NEDD4L: variants seen among roughly 807,000 people sequenced by gnomAD.
NEDD4L encodes NEDD4 like E3 ubiquitin protein ligase, also known as E3 ubiquitin-protein ligase NEDD4-like.
In NEDD4L, 54 loss-of-function variants were observed where a neutral mutation model predicts 148.9. The observed-to-expected ratio is 0.36, with a 90% CI of 0.29 to 0.45. The LOEUF (loss-of-function observed/expected upper bound fraction) is 0.45. Ranked by LOEUF, NEDD4L falls within the 20% of genes least tolerant of loss-of-function variation. The pLI is 1.00. For missense variants in NEDD4L, 856 were observed against 1,233.8 expected (o/e 0.69, Z 4.59); for synonymous variants, 433 against 440.7 (o/e 0.98, Z 0.22).
At chr18:58,204,569 G>T (rs1441125304) in intron 2 of NEDD4L, among the ~76,000 whole-genome samples, 1 of 152,154 alleles carries the variant, frequency 6.6e-6, no homozygotes, top group Admixed American at 6.5e-5. Context: ...GTTTTCTTGG[G>T]ATTGCTCCAA....
intron 1 of NEDD4L, among the ~76,000 whole-genome samples, chr18:58,067,939 T>C (rs182360367): frequency 6.6e-6 from 1 of 152,248 alleles, no homozygotes; most frequent in Admixed American, 6.5e-5. Context: ...GGGATTGCAC[T>C]GTTTGGGAGA....
chr18:58,251,947 C>A, intron 4 of NEDD4L, 54 bp from the exon 5 acceptor site: 2 of 949,236 alleles, frequency 2.1e-6, no homozygotes, highest in South Asian at 1.3e-5. Flanking sequence ...TTCCTTACGT[C>A]GCTGTTCAAA....
At chr18:58,157,434 TGC>T (rs2035640399) in intron 1 of NEDD4L, among the ~76,000 whole-genome samples, 3 of 152,222 alleles carry the variant, frequency 2.0e-5, no homozygotes, top group African/African-American at 7.2e-5. Flanking sequence ...CCATGCAGTT[TGC>T]TTTATGCATT....
At chr18:58,094,875 C>T (rs17755321) in intron 1 of NEDD4L, among the ~76,000 whole-genome samples, 3,971 of 148,796 alleles carry the variant, frequency 0.027, 97 homozygotes, top group Admixed American at 0.071. Flanking sequence ...GCTTGATTGC[C>T]GTGAATGCCT....
chr18:58,366,250 G>A lies in NEDD4L; in HGVS notation c.2063+22G>A. ...CCACGTAAGTATATGGCCACACCCA[G>A]TGTGTGTCCCCCACTGAGACAGTTG... On this transcript the variant is annotated intron_variant, in intron 21 of 30. Transcript: ENST00000400345. The surrounding 1 kb of genome is among the most constrained non-coding windows in gnomAD (Gnocchi z 4.2). 7.3e-6 allele frequency: 11 copies of A among 1,497,240 alleles called. No homozygotes were observed. Among genetic ancestry groups the A allele is most frequent in the Non-Finnish European group, 1.0e-5 (11 of 1,097,606 alleles). 92.7% of individuals were successfully genotyped at this position (1,497,240 alleles called of 1,614,324 possible). A position where few individuals can be genotyped will look rare whatever the true frequency, so the allele number is the denominator to read the frequency against.
Position 58,234,314 on chromosome 18 carries a change from TCCTCCCTCCTTCTCTCCCTC to T in NEDD4L, c.123-11100_123-11081del, listed in dbSNP as rs561194262. Among the ~76,000 whole-genome samples the T allele has an allele frequency of 9.3e-3, 1,053 of 112,830 alleles. 7 individuals carry two copies. Among genetic ancestry groups the T allele is most frequent in the East Asian group, 0.033 (111 of 3,368 alleles). 74.0% of individuals were successfully genotyped at this position (112,830 alleles called of 152,430 possible). A position where few individuals can be genotyped will look rare whatever the true frequency, so the allele number is the denominator to read the frequency against. On this transcript the variant is annotated intron_variant, in intron 2 of 30. Transcript: ENST00000400345. The stretch of plus-strand genomic sequence containing the variant: ...CCTTCCCCTTCCTCCCTTTCCCCCT[TCCTCCCTCCTTCTCTCCCTC>T]CCTCCCTCCTTCCCTCCCTCAGGGT...
intron 2 of NEDD4L, among the ~76,000 whole-genome samples, chr18:58,232,396 C>T (rs1002338385): frequency 6.6e-6 from 1 of 152,194 alleles, no homozygotes; most frequent in Non-Finnish European, 1.5e-5. Flanking sequence ...AAGCAAAAAT[C>T]TCCAGTGTGT....
chr18:58,345,212 C>A (rs1036556642), intron 16 of NEDD4L, among the ~76,000 whole-genome samples: 24 of 152,232 alleles, frequency 1.6e-4, no homozygotes, highest in Admixed American at 6.5e-5. Context: ...CCACAAGCTA[C>A]TCCCCTTCTT....
chr18:58,117,227 G>A (rs1365769867), intron 1 of NEDD4L, among the ~76,000 whole-genome samples: 1 of 152,196 alleles, frequency 6.6e-6, no homozygotes, highest in African/African-American at 2.4e-5. Context: ...TATTATTGAA[G>A]AAGTAGAATA....
intron 23 of NEDD4L, 96 bp from the exon 24 acceptor site, chr18:58,373,078 C>G: frequency 4.2e-6 from 3 of 716,206 alleles, no homozygotes; most frequent in Non-Finnish European, 7.6e-6. Flanking sequence ...CTTGAGCATT[C>G]TGCACAGAAT....
rs1226058247 is a variant in NEDD4L, at chr18:58,339,892, A to G, written c.1126-1146A>G. ...AAAAGGTGGCATAAGCACAGGAAGA[A>G]GTTAGGTTCAGAGGAAATTTGTATC... On this transcript the variant is annotated intron_variant, in intron 13 of 30. Coordinates refer to ENST00000400345, the MANE Select transcript of NEDD4L (RefSeq NM_001144967.3). Among the ~76,000 whole-genome samples the G allele has an allele frequency of 3.9e-5, 6 of 152,316 alleles. No individual in the cohort carries two copies. The East Asian group carries it at 1.2e-3, about 29-fold the overall frequency.
chr18:58,393,232 T>C (rs1393011265), intron 30 of NEDD4L, among the ~76,000 whole-genome samples: 1 of 152,184 alleles, frequency 6.6e-6, no homozygotes, highest in Non-Finnish European at 1.5e-5. Context: ...CTGCCACAAG[T>C]AGAACTTCCC....
At chr18:58,315,203 A>G (rs900168392) in intron 5 of NEDD4L, among the ~76,000 whole-genome samples, 2 of 152,210 alleles carry the variant, frequency 1.3e-5, no homozygotes, top group Non-Finnish European at 2.9e-5. Flanking sequence ...ATCAGAGGCC[A>G]TGCCACAAGC....
intron 13 of NEDD4L, among the ~76,000 whole-genome samples, chr18:58,336,925 A>T (rs934330936): frequency 1.3e-5 from 2 of 152,216 alleles, no homozygotes; most frequent in African/African-American, 4.8e-5. Context: ...GTTTTGTGAG[A>T]TAATTTTAGT....
At chr18:58,072,919 A>G (rs2082957380) in intron 1 of NEDD4L, among the ~76,000 whole-genome samples, 4 of 151,336 alleles carry the variant, frequency 2.6e-5, no homozygotes, top group Admixed American at 2.0e-4. Context: ...TCTTGAACTA[A>G]TAATTGAGTT....
intron 16 of NEDD4L, among the ~76,000 whole-genome samples, chr18:58,343,405 AATTG>A (rs144194319): frequency 0.025 from 3,784 of 152,286 alleles, 172 homozygotes; most frequent in African/African-American, 0.088. Context: ...AGATTTTGTT[AATTG>A]ATCCCGTCTC....
intron 1 of NEDD4L, among the ~76,000 whole-genome samples, chr18:58,162,129 C>G (rs531892778): frequency 1.3e-5 from 2 of 152,310 alleles, no homozygotes; most frequent in South Asian, 4.1e-4. Context: ...GAATCTCTCT[C>G]CAATTGTTCT....
intron 30 of NEDD4L, among the ~76,000 whole-genome samples, chr18:58,393,821 G>A (rs1331882140): frequency 1.3e-5 from 2 of 152,190 alleles, no homozygotes; most frequent in Non-Finnish European, 2.9e-5. Context: ...TCCTAGAAGA[G>A]CAGAAGCTGA....
At position 58,323,268 on chromosome 18, in the gene NEDD4L, A is replaced by T. The variant is rs1387631298; in HGVS notation, c.447A>T (p.Lys149Asn). Residue 149 changes from lysine to asparagine, a missense_variant, in exon 8 of 31, where the codon AAA becomes AAT. Lys to Asn is a moderately conservative substitution (Grantham distance 94). Around this residue, in one of 4 missense-constraint regions of NEDD4L, gnomAD observed 193 missense variants for 244.2 expected, o/e 0.79. Transcript: ENST00000400345. ...KSRVKGFLRLKMAYMPKNGGQ... is the reference protein window; with the variant it reads ...KSRVKGFLRLNMAYMPKNGGQ... Reference sequence around the variant, plus strand: ...GAGTTAAGGGATTTTTGCGATTGAAAATGGCCTATATGCCAAAAAATGGAG... The same window carrying T: ...GAGTTAAGGGATTTTTGCGATTGAATATGGCCTATATGCCAAAAAATGGAG... 1.2e-6 allele frequency: 2 copies of T among 1,605,604 alleles called. No individual in the cohort carries two copies. The highest frequency in any genetic ancestry group is 2.3e-5 in the South Asian group (2 of 88,820).
Sources: gnomAD v4.1 joint callset for allele counts (sites outside exome capture counted in the v4.1 genomes callset) on GRCh38, gnomAD v4.1.1 for gene constraint, gnomAD v4.1.1 regional missense constraint, Gnocchi (gnomAD v3.1) non-coding constraint, MANE v1.5 for transcripts, NCBI Gene and HGNC (gene_info 2026-07-23, HGNC 2026-07-21) for gene names.